PFAS: variants seen among roughly 807,000 people sequenced by gnomAD.
PFAS encodes the protein phosphoribosylformylglycinamidine synthase.
PFAS carries 97 observed loss-of-function variants against 140.6 expected under a neutral mutation model. That is an observed-to-expected ratio of 0.69 (90% confidence interval 0.59 to 0.82). PFAS has a LOEUF of 0.82. Ranked by LOEUF, PFAS falls within the 40% of genes least tolerant of loss-of-function variation. PFAS has a pLI of 0.00. For missense variants in PFAS, 1,656 were observed against 1,780.2 expected (o/e 0.93, Z 1.26); for synonymous variants, 679 against 718.8 (o/e 0.94, Z 0.88).
chr17:8,268,645 T>A lies in PFAS; in HGVS notation c.3495T>A (p.Ala1165=). 3.1e-6 allele frequency: 5 copies of A among 1,613,782 alleles called. No homozygotes were observed. Among genetic ancestry groups the A allele is most frequent in the Non-Finnish European group, 4.2e-6 (5 of 1,180,006 alleles). Residue 1165 remains alanine, a synonymous_variant, in exon 27 of 28, where the codon GCT becomes GCA. Coordinates refer to ENST00000314666, the MANE Select transcript of PFAS (RefSeq NM_012393.3). ...TGTGTAATGGCTGTCAACTGCTGGC[T>A]CTGCTCGGCTGGGTGGGAGGCGACC... ...LGVCNGCQLL[A]LLGWVGGDPN... is the part of the protein sequence containing the mutation.
Position 8,267,975 on chromosome 17 carries a change from A to G in PFAS, c.3382+310A>G, listed in dbSNP as rs868821464. ...TTATTAAAATATATATTATTTATAT[A>G]TATTATTTATATATTATTAAAATAT... On this transcript the variant is annotated intron_variant, in intron 26 of 27. Coordinates refer to ENST00000314666, the MANE Select transcript of PFAS (RefSeq NM_012393.3). This position sits in a 1 kb window ranked among gnomAD's most constrained non-coding sequence, Gnocchi z 4.9. 2.8e-5 allele frequency among the ~76,000 whole-genome samples: 4 copies of G among 144,378 alleles called. No homozygotes were observed. The highest frequency in any genetic ancestry group is 7.6e-5 in the African/African-American group (3 of 39,628). The allele number at this position is 144,378 out of a possible 152,430, so 94.7% of individuals were successfully genotyped here. A position where few individuals can be genotyped will look rare whatever the true frequency, so the allele number is the denominator to read the frequency against.
In PFAS at chr17:8,254,405, A is replaced by G. The variant is rs1456159583; in HGVS notation, c.278+104A>G. The G allele has an allele frequency of 5.2e-6, 7 of 1,337,930 alleles. No individual in the cohort carries two copies. The Admixed American group carries it at 1.0e-4, about 20-fold the overall frequency. The allele number at this position is 1,337,930 out of a possible 1,614,324, so 82.9% of individuals were successfully genotyped here. A position where few individuals can be genotyped will look rare whatever the true frequency, so the allele number is the denominator to read the frequency against. ...CTTTGCTCTTTGCTACTTCCTGCCT[A>G]GGAAACCACACATGTGCTTTCCCCA... is the stretch of plus-strand genomic sequence containing the variant. On this transcript the variant is annotated intron_variant, in intron 3 of 27. Transcript: ENST00000314666.
Position 8,251,202 on chromosome 17 carries a change from C to T in PFAS, c.-80+1863C>T, listed in dbSNP as rs531273958. Among the ~76,000 whole-genome samples, 11 of 152,218 alleles carry T rather than the reference C, an allele frequency of 7.2e-5. No homozygotes were observed. In the East Asian group the frequency reaches 1.9e-3, roughly 27 times the overall value. On this transcript the variant is annotated intron_variant, in intron 1 of 27. Transcript: ENST00000314666. ...TCGGGAGACCGAGGCAGGAGAATCG[C>T]GTGAACCCGCAAGGCAGAGGTTGCA...
rs1295645562 is a variant in PFAS, at chr17:8,266,735, C to T, written c.2822-18C>T. The T allele has an allele frequency of 1.3e-6, 2 of 1,584,544 alleles. No individual in the cohort carries two copies. Among genetic ancestry groups the T allele is most frequent in the Non-Finnish European group, 1.7e-6 (2 of 1,167,044 alleles). On this transcript the variant is annotated intron_variant, in intron 22 of 27. Transcript: ENST00000314666. This position sits in a 1 kb window ranked among gnomAD's most constrained non-coding sequence, Gnocchi z 5.0. ...GGCCCTTCTTGCATCCCCCTGACTC[C>T]CCACATTGCTCTCCCAGTCCTGTCT...
rs201419758 is a variant in PFAS, at chr17:8,254,310, C to G, written c.278+9C>G. ...CTGGAGGTCGGGCCCAGGTAAGTAT[C>G]TCATCCTGCCCACCCCTTTCTTCTG... On this transcript the variant is annotated intron_variant, in intron 3 of 27. Coordinates refer to ENST00000314666, the MANE Select transcript of PFAS (RefSeq NM_012393.3). 300 of 1,613,794 alleles carry G rather than the reference C, an allele frequency of 1.9e-4. 3 individuals are homozygous for G. In the Middle Eastern group the frequency reaches 4.2e-3, roughly 23 times the overall value.
rs771990548 is a variant in PFAS at position 8,266,396 on chromosome 17, C to T, written c.2821+43C>T. ...TAGTCTCAGGCCCGGGCTGCCTTCTCTACCCTGCAGACCCCATTTCCAATA... is the reference window on the plus strand; with the variant it reads ...TAGTCTCAGGCCCGGGCTGCCTTCTTTACCCTGCAGACCCCATTTCCAATA... On this transcript the variant is annotated intron_variant, in intron 22 of 27. Transcript: ENST00000314666. The surrounding 1 kb of genome is among the most constrained non-coding windows in gnomAD (Gnocchi z 5.0). 15 of 1,612,444 alleles carry T rather than the reference C, an allele frequency of 9.3e-6. 1 individual carries two copies. Among genetic ancestry groups the T allele is most frequent in the Middle Eastern group, 1.7e-4 (1 of 6,054 alleles).
At position 8,264,351 on chromosome 17, in the gene PFAS, A is replaced by G. The variant is rs1434906208; in HGVS notation, c.1917+14A>G. On this transcript the variant is annotated intron_variant, in intron 16 of 27. Coordinates refer to ENST00000314666, the MANE Select transcript of PFAS (RefSeq NM_012393.3). The stretch of plus-strand genomic sequence containing the variant: ...ATGCCTCGGAAGGTATGTGGGGTTG[A>G]GGGGATGGGTTTTTCCTGTGGTCCT... 31 of 1,613,246 alleles carry G rather than the reference A, an allele frequency of 1.9e-5. No homozygotes were observed. Among genetic ancestry groups the G allele is most frequent in the African/African-American group, 6.7e-5 (5 of 74,838 alleles).
intron 1 of PFAS, among the ~76,000 whole-genome samples, chr17:8,251,976 C>A (rs761129349): frequency 6.6e-6 from 1 of 151,994 alleles, no homozygotes; most frequent in East Asian, 1.9e-4. Flanking sequence ...CCCAGCCCTG[C>A]TTAAGCAATT....
intron 20 of PFAS, 27 bp from the exon 21 acceptor site, chr17:8,265,835 T>TC: frequency 6.3e-7 from 1 of 1,578,382 alleles, no homozygotes; most frequent in Non-Finnish European, 8.6e-7. Context: ...GCTGTTCCCC[T>TC]CCCCTCACCC....
chr17:8,255,146 G>GA lies in PFAS; in HGVS notation c.384+16dup. 6.4e-7 allele frequency: 1 copy of GA among 1,556,300 alleles called. No individual in the cohort carries two copies. The highest frequency in any genetic ancestry group is 1.4e-5 in the African/African-American group (1 of 73,946). ...TACCGGCTCTCGGTGAGGTGATGGG[G>GA]AATCAGGAGGAGGAGATGAGCCAGA... On this transcript the variant is annotated intron_variant, in intron 4 of 27. Coordinates refer to ENST00000314666, the MANE Select transcript of PFAS (RefSeq NM_012393.3).
Position 8,258,126 on chromosome 17 carries a change from C to T in PFAS, c.1263C>T (p.Ile421=). Residue 421 remains isoleucine (I), a synonymous_variant, in exon 11 of 28, where the codon ATC becomes ATT. Transcript: ENST00000314666. ...CAGACGGCCAGCGGCGTGAGTGGATCAAGCCCATCATGTTTAGTGGGGGCA... is the reference window on the plus strand; with the variant it reads ...CAGACGGCCAGCGGCGTGAGTGGATTAAGCCCATCATGTTTAGTGGGGGCA... ...QLPDGQRREW[I]KPIMFSGGIG... 6.2e-7 allele frequency: 1 copy of T among 1,614,108 alleles called. No homozygotes were observed. Among genetic ancestry groups the T allele is most frequent in the Non-Finnish European group, 8.5e-7 (1 of 1,180,002 alleles).
At chr17:8,258,381 G>A (rs1989459433) in intron 11 of PFAS, among the ~76,000 whole-genome samples, 182 bp downstream of exon 11, 1 of 152,048 alleles carries the variant, frequency 6.6e-6, no homozygotes, top group Admixed American at 6.6e-5. Context: ...TTTCATTATT[G>A]TGCCCACTTC....
In PFAS at chr17:8,263,860, G is replaced by A. The variant is rs200779134; in HGVS notation, c.1715G>A (p.Arg572Gln). 498 of 1,614,086 alleles carry A rather than the reference G, an allele frequency of 3.1e-4. 3 individuals carry two copies. The East Asian group carries it at 8.9e-3, about 29-fold the overall frequency. Residue 572 changes from arginine (R) to glutamine (Q), a missense_variant, in exon 15 of 28, where the codon CGG becomes CAG. By Grantham distance (43) the Arg-to-Gln change is conservative (BLOSUM62 1). Around this residue, in one of 2 missense-constraint regions of PFAS, gnomAD observed 773 missense variants for 757.3 expected, o/e 1.02. Transcript: ENST00000314666. ...SNALLLRSPN[R>Q]DFLTHVSARE... ...GCTCTTCTGCTGAGGTCCCCCAACCGGGACTTCCTGACTCATGTCAGTGCC... is the reference window on the plus strand; with the variant it reads ...GCTCTTCTGCTGAGGTCCCCCAACCAGGACTTCCTGACTCATGTCAGTGCC...
At position 8,269,326 on chromosome 17, in the gene PFAS, C is replaced by A; in HGVS notation, c.*62C>A. On this transcript the variant is annotated 3_prime_UTR_variant, in exon 28 of 28. Transcript: ENST00000314666. ...CACCTAAGTGGGTCCTGCCCCCTCC[C>A]CCATGACCTTCAGGAGCACCCCATA... 8.4e-7 allele frequency: 1 copy of A among 1,196,582 alleles called. No individual in the cohort carries two copies. Among genetic ancestry groups the A allele is most frequent in the Non-Finnish European group, 1.2e-6 (1 of 843,630 alleles). The allele number at this position is 1,196,582 out of a possible 1,614,324, so 74.1% of individuals were successfully genotyped here.
At chr17:8,268,218 C>T (rs1477450862) in intron 26 of PFAS, among the ~76,000 whole-genome samples, 1 of 143,596 alleles carries the variant, frequency 7.0e-6, no homozygotes, top group African/African-American at 2.5e-5. Context: ...TGCAAAAATA[C>T]AAAAATTAGC....
In PFAS at chr17:8,268,670, C is replaced by T; in HGVS notation, c.3520C>T (p.Pro1174Ser). 6.2e-7 allele frequency: 1 copy of T among 1,613,714 alleles called. No individual in the cohort carries two copies. Among genetic ancestry groups the T allele is most frequent in the Non-Finnish European group, 8.5e-7 (1 of 1,179,988 alleles). ...LALLGWVGGD[P>S]NEDAAEMGPD... ...TCTGCTCGGCTGGGTGGGAGGCGAC[C>T]CCAATGAGGATGCTGCAGAGATGGG... Residue 1174 changes from proline to serine, a missense_variant, in exon 27 of 28, where the codon CCC becomes TCC. Around this residue, in one of 2 missense-constraint regions of PFAS, gnomAD observed 883 missense variants for 1,023.0 expected, o/e 0.86. Coordinates refer to ENST00000314666, the MANE Select transcript of PFAS (RefSeq NM_012393.3).
intron 13 of PFAS, 146 bp from the exon 14 acceptor site, chr17:8,263,429 G>T (rs1989674845): frequency 1.0e-6 from 1 of 991,788 alleles, no homozygotes; most frequent in South Asian, 1.4e-5. Flanking sequence ...GTGGAAGCCT[G>T]CTGCCGTGGG....
At position 8,267,625 on chromosome 17, in the gene PFAS, G is replaced by A; in HGVS notation, c.3342G>A (p.Val1114=). The A allele has an allele frequency of 6.2e-7, 1 of 1,612,360 alleles. No individual in the cohort carries two copies. Among genetic ancestry groups the A allele is most frequent in the Non-Finnish European group, 8.5e-7 (1 of 1,178,516 alleles). Residue 1114 remains valine, a synonymous_variant, in exon 26 of 28, where the codon GTG becomes GTA. Coordinates refer to ENST00000314666, the MANE Select transcript of PFAS (RefSeq NM_012393.3). The surrounding 1 kb of genome is among the most constrained non-coding windows in gnomAD (Gnocchi z 4.9). The stretch of plus-strand genomic sequence containing the variant: ...ACACTTTCCGTGGCGTGGCCTTCGT[G>A]GGCGGCTTCAGCTATGCAGATGTCC... ...GLDTFRGVAF[V]GGFSYADVLG... is the part of the protein sequence containing the mutation.
intron 13 of PFAS, 54 bp downstream of exon 13, chr17:8,263,319 T>C (rs1201331396): frequency 6.3e-7 from 1 of 1,589,232 alleles, no homozygotes; most frequent in Non-Finnish European, 8.6e-7. Context: ...CCTGCCAGGT[T>C]TCGTTTAGGG....
Sources: gnomAD v4.1 joint callset for allele counts (sites outside exome capture counted in the v4.1 genomes callset) on GRCh38, gnomAD v4.1.1 for gene constraint, gnomAD v4.1.1 regional missense constraint, Gnocchi (gnomAD v3.1) non-coding constraint, MANE v1.5 for transcripts, NCBI Gene and HGNC (gene_info 2026-07-23, HGNC 2026-07-21) for gene names.